Variants in NOP58 observed in about 807,000 individuals in gnomAD.
The protein encoded by NOP58 is NOP58 ribonucleoprotein, also known as nucleolar protein 58.
In NOP58, 44 loss-of-function variants were observed where a neutral mutation model predicts 71.2. The ratio of observed to expected loss-of-function variants is 0.62; its 90% CI spans 0.49 to 0.79. The LOEUF is 0.79. Among genes scored for constraint, NOP58 ranks in the 30% least tolerant of loss-of-function variants. The pLI is 0.00. For missense variants in NOP58, 538 were observed against 620.2 expected, an observed-to-expected ratio of 0.87 and a Z score of 1.41; for synonymous variants, 228 against 200.3, an observed-to-expected ratio of 1.14 and a Z score of -1.17.
intron 9 of NOP58, among the ~76,000 whole-genome samples, chr2:202,294,459 A>G (rs1043349851): frequency 1.3e-5 from 2 of 152,160 alleles, no homozygotes; most frequent in Non-Finnish European, 2.9e-5. Context: ...AGCATATCCA[A>G]CTAAGCAGCA....
At chr2:202,282,204 T>C (rs1032740407) in intron 3 of NOP58, 147 bp from the exon 4 acceptor site, 3 of 633,180 alleles carry the variant, frequency 4.7e-6, no homozygotes, top group Non-Finnish European at 7.8e-6. Flanking sequence ...ATGTAACTTA[T>C]AAAACATATA....
intron 8 of NOP58, 114 bp downstream of exon 8, chr2:202,291,384 A>G (rs1574385648): frequency 1.4e-6 from 1 of 736,040 alleles, no homozygotes; most frequent in East Asian, 2.7e-5. Flanking sequence ...TAACATAAAT[A>G]TGAGGGTGTT....
intron 4 of NOP58, among the ~76,000 whole-genome samples, chr2:202,283,661 G>C (rs1008447168): frequency 6.7e-6 from 1 of 150,068 alleles, no homozygotes; most frequent in Non-Finnish European, 1.5e-5. Flanking sequence ...AGATGGTCTC[G>C]ATCTATTGAC....
At chr2:202,301,410 C>T (rs1689089203) in intron 13 of NOP58, among the ~76,000 whole-genome samples, 1 of 152,168 alleles carries the variant, frequency 6.6e-6, no homozygotes, top group Non-Finnish European at 1.5e-5. Context: ...GTCTCAAACT[C>T]CTGACCTTGT....
rs180999661 is a variant in NOP58 at position 202,299,118 on chromosome 2, T to C, written c.1269-1116T>C. 3.3e-5 allele frequency among the ~76,000 whole-genome samples: 5 copies of C among 151,952 alleles called. No individual in the cohort carries two copies. In the South Asian group the frequency reaches 6.2e-4, roughly 19 times the overall value. ...AGGATTACAGGCATACACCACCACA[T>C]CCAGCTAATTTTTGTATTTTTAGTA... On this transcript the variant is annotated intron_variant, in intron 12 of 14. Transcript: ENST00000264279.
rs539909400 is a variant in NOP58 at position 202,284,048 on chromosome 2, G to A, written c.298-297G>A. 2.0e-4 allele frequency among the ~76,000 whole-genome samples: 30 copies of A among 151,922 alleles called. No individual in the cohort carries two copies. The South Asian group carries it at 5.8e-3, about 29-fold the overall frequency. On this transcript the variant is annotated intron_variant, in intron 4 of 14. Coordinates refer to ENST00000264279, the MANE Select transcript of NOP58 (RefSeq NM_015934.5). ...TGTAATCCCAGCACTTTGGGAAGAT[G>A]AGGCGGGCGGATCACTTGAGGTCAG...
At position 202,302,921 on chromosome 2, in the gene NOP58, T is replaced by C. The variant is rs1559268932; in HGVS notation, c.1403T>C (p.Val468Ala). 1 of 1,601,542 alleles carries C rather than the reference T, an allele frequency of 6.2e-7. No individual in the cohort carries two copies. Among genetic ancestry groups the C allele is most frequent in the African/African-American group, 1.3e-5 (1 of 74,850 alleles). Residue 468 changes from valine (V) to alanine (A), a missense_variant and splice_region_variant, in exon 14 of 15, where the codon GTT (valine) becomes GCT (alanine). Val to Ala is a moderately conservative substitution (Grantham distance 64, BLOSUM62 0). Coordinates refer to ENST00000264279, the MANE Select transcript of NOP58 (RefSeq NM_015934.5). ...KAKKAKIKVK[V>A]EEEEEEKVAE... The stretch of plus-strand genomic sequence containing the variant: ...GTGCCTTTACACTTACCCTATTCAG[T>C]TGAAGAAGAGGAAGAAGAAAAAGTG...
chr2:202,279,690 A>G (rs1688669373), intron 3 of NOP58, among the ~76,000 whole-genome samples: 1 of 152,192 alleles, frequency 6.6e-6, no homozygotes, highest in Non-Finnish European at 1.5e-5. Context: ...GCTACTCGGG[A>G]GGCTGAGGCA....
At chr2:202,273,685 G>A (rs1021503221) in intron 1 of NOP58, among the ~76,000 whole-genome samples, 1 of 152,238 alleles carries the variant, frequency 6.6e-6, no homozygotes, top group Non-Finnish European at 1.5e-5. Context: ...GCTCACGCCT[G>A]TAATCCCAAC....
intron 3 of NOP58, among the ~76,000 whole-genome samples, chr2:202,280,571 A>G (rs1688683430): frequency 6.6e-6 from 1 of 151,802 alleles, no homozygotes; most frequent in Non-Finnish European, 1.5e-5. Flanking sequence ...ACCTCAGGTG[A>G]TCCACCCGCC....
chr2:202,294,336 C>CAAAAAAAAAAAAAAAAAAA (rs1231907557), intron 9 of NOP58, among the ~76,000 whole-genome samples: 1 of 71,450 alleles, frequency 1.4e-5, no homozygotes, highest in Non-Finnish European at 2.8e-5. Flanking sequence ...AACTCCATCT[C>CAAAAAAAAAAAAAAAAAAA]AAAAAAAAAA....
chr2:202,297,785 G>A, intron 11 of NOP58, 60 bp from the exon 12 acceptor site: 1 of 1,018,120 alleles, frequency 9.8e-7, no homozygotes, highest in Non-Finnish European at 1.5e-6. Context: ...AGACTGTATA[G>A]TGTATTATAA....
chr2:202,297,930 G>A, intron 12 of NOP58, 24 bp downstream of exon 12: 2 of 1,406,656 alleles, frequency 1.4e-6, no homozygotes, highest in East Asian at 2.4e-5. Flanking sequence ...AGTGAGGATG[G>A]GGTGAATAGT....
chr2:202,290,798 T>A (rs1158774260), intron 7 of NOP58, among the ~76,000 whole-genome samples: 1 of 152,220 alleles, frequency 6.6e-6, no homozygotes, highest in Non-Finnish European at 1.5e-5. Flanking sequence ...TGGCCCCAGC[T>A]TCAGTATAAA....
intron 13 of NOP58, among the ~76,000 whole-genome samples, chr2:202,300,882 G>C (rs1689080482): frequency 6.6e-6 from 1 of 152,016 alleles, no homozygotes; most frequent in Admixed American, 6.6e-5. Context: ...GTTACACCTG[G>C]GTTTATTGAA....
chr2:202,284,268 G>T, intron 4 of NOP58, 77 bp from the exon 5 acceptor site: 1 of 1,258,954 alleles, frequency 7.9e-7, no homozygotes, highest in Admixed American at 2.6e-5. Flanking sequence ...GTGATACTGT[G>T]TCTCAAAAAA....
intron 6 of NOP58, among the ~76,000 whole-genome samples, chr2:202,289,546 T>C (rs1396037648): frequency 1.3e-5 from 2 of 152,330 alleles, no homozygotes; most frequent in East Asian, 3.9e-4. Context: ...TCATACGTGT[T>C]TGCAAATACT....
chr2:202,296,749 T>TTTG lies in NOP58; in HGVS notation c.1072-629_1072-627dup, dbSNP rs1403423888. 4.9e-4 allele frequency among the ~76,000 whole-genome samples: 45 copies of TTTG among 91,384 alleles called. No individual in the cohort carries two copies. The East Asian group carries it at 7.5e-3, about 15-fold the overall frequency. The allele number at this position is 91,384 out of a possible 152,430, so 60.0% of individuals were successfully genotyped here. ...TGTTTGTTTGTTTGTTTGTTTGTTTTTTGAGATGGAGTCTCACTCTGTCGC... is the reference window on the plus strand; with the variant it reads ...TGTTTGTTTGTTTGTTTGTTTGTTTTTTGTTGAGATGGAGTCTCACTCTGTCGC... On this transcript the variant is annotated intron_variant, in intron 10 of 14. Coordinates refer to ENST00000264279, the MANE Select transcript of NOP58 (RefSeq NM_015934.5).
intron 8 of NOP58, among the ~76,000 whole-genome samples, chr2:202,291,699 C>T (rs113075198): frequency 0.29 from 43,255 of 147,700 alleles, 6,644 homozygotes; most frequent in East Asian, 0.59. Context: ...CCCAGCTACT[C>T]GGGAGGCTGA....
Sources: allele counts gnomAD v4.1 joint callset (sites outside exome capture counted in the v4.1 genomes callset), GRCh38; gene constraint gnomAD v4.1.1; transcripts MANE v1.5; gene names NCBI Gene and HGNC (gene_info 2026-07-23, HGNC 2026-07-21).